STPG4: variants seen among roughly 807,000 people sequenced by gnomAD.
STPG4 encodes sperm-tail PG-rich repeat containing 4.
Under a neutral mutation model 31.5 loss-of-function variants are expected in STPG4, and 41 were observed. The ratio of observed to expected loss-of-function variants is 1.30; its 90% CI spans 1.01 to 1.69. The LOEUF (loss-of-function observed/expected upper bound fraction) is 1.69, where lower values mean the gene tolerates loss of function less well. Among genes scored for constraint, STPG4 ranks in the 40% most tolerant of loss-of-function variants. The pLI, the probability that STPG4 is intolerant of heterozygous loss-of-function variation, is 0.00. For missense variants in STPG4, 375 were observed against 293.4 expected (o/e 1.28, Z -2.03); for synonymous variants, 141 against 103.0 (o/e 1.37, Z -2.24).
At chr2:47,092,908 T>C (rs1685600398) in intron 5 of STPG4, among the ~76,000 whole-genome samples, 1 of 152,088 alleles carries the variant, frequency 6.6e-6, no homozygotes, top group Admixed American at 6.5e-5. Flanking sequence ...TTCTTCTGCA[T>C]CAGCCTCTCA....
chr2:47,087,103 T>C lies in STPG4; in HGVS notation c.652A>G (p.Thr218Ala), dbSNP rs1398665936. The C allele has an allele frequency of 1.9e-6, 3 of 1,551,818 alleles. No homozygotes were observed. The highest frequency in any genetic ancestry group is 2.0e-5 in the Admixed American group (1 of 51,012). ...GACTGCTTAGGGAATTGTCTTAAAGTTGTATATGCTCCTGGGCCTGGGGTT... is the reference window on the plus strand; with the variant it reads ...GACTGCTTAGGGAATTGTCTTAAAGCTGTATATGCTCCTGGGCCTGGGGTT... ...SKTPGPGAYT[T>A]LRQFPKQSPT... Residue 218 changes from threonine to alanine, a missense_variant, in exon 7 of 7, where the codon ACT becomes GCT. Coordinates refer to ENST00000445927, the MANE Select transcript of STPG4 (RefSeq NM_001163561.2).
intron 3 of STPG4, among the ~76,000 whole-genome samples, chr2:47,142,509 A>C (rs2103796305): frequency 6.6e-6 from 1 of 152,336 alleles, no homozygotes; most frequent in Middle Eastern, 3.4e-3. Flanking sequence ...CAAAAATGTT[A>C]GTTGGAAAAA....
chr2:47,089,456 T>C (rs1303656333), intron 6 of STPG4, among the ~76,000 whole-genome samples: 2 of 152,148 alleles, frequency 1.3e-5, no homozygotes, highest in African/African-American at 4.8e-5. Context: ...ACTAGTCCTC[T>C]CCTACCCACC....
intron 5 of STPG4, among the ~76,000 whole-genome samples, chr2:47,091,621 G>T (rs946298728): frequency 6.6e-6 from 1 of 152,172 alleles, no homozygotes; most frequent in Non-Finnish European, 1.5e-5. Flanking sequence ...CAGGAGTTAG[G>T]GGAAGTGGGT....
chr2:47,092,686 G>C (rs1685595160), intron 5 of STPG4, among the ~76,000 whole-genome samples: 1 of 151,814 alleles, frequency 6.6e-6, no homozygotes, highest in Non-Finnish European at 1.5e-5. Context: ...CCAGCAGTAA[G>C]GTCATAATAG....
intron 3 of STPG4, among the ~76,000 whole-genome samples, chr2:47,144,362 T>C (rs938232850): frequency 2.0e-5 from 3 of 152,192 alleles, no homozygotes; most frequent in Non-Finnish European, 2.9e-5. Context: ...TATGTCCATA[T>C]ACAAGAAAAC....
chr2:47,124,738 C>T (rs1234753598), intron 5 of STPG4, among the ~76,000 whole-genome samples: 1 of 152,140 alleles, frequency 6.6e-6, no homozygotes, highest in East Asian at 1.9e-4. Context: ...CAACAAACAC[C>T]AGATACCTCT....
intron 3 of STPG4, among the ~76,000 whole-genome samples, chr2:47,138,354 C>T (rs1036184314): frequency 1.3e-5 from 2 of 150,730 alleles, no homozygotes; most frequent in African/African-American, 4.9e-5. Flanking sequence ...GGTCTGAGAG[C>T]AGACATTGTA....
At chr2:47,109,416 G>A (rs1685992181) in intron 5 of STPG4, among the ~76,000 whole-genome samples, 1 of 152,066 alleles carries the variant, frequency 6.6e-6, no homozygotes, top group South Asian at 2.1e-4. Context: ...AATTAGCTGG[G>A]CATGGTGGCA....
At chr2:47,155,116 A>G (rs1218913639) in intron 1 of STPG4, 55 bp downstream of exon 1, 2 of 1,521,038 alleles carry the variant, frequency 1.3e-6, no homozygotes, top group Admixed American at 1.7e-5. Context: ...GGAAAAGGGT[A>G]GTGGGCCTGG....
At chr2:47,123,171 AT>A (rs574548539) in intron 5 of STPG4, among the ~76,000 whole-genome samples, 1 of 152,108 alleles carries the variant, frequency 6.6e-6, no homozygotes, top group East Asian at 1.9e-4. Flanking sequence ...ATAATTATTT[AT>A]TTTTTTGACA....
chr2:47,152,974 A>G lies in STPG4; in HGVS notation c.124T>C (p.Trp42Arg). The change falls in exon 2 of 7, where the codon TGG becomes CGG. Residue 42 changes from tryptophan to arginine, a missense_variant. Coordinates refer to ENST00000445927, the MANE Select transcript of STPG4 (RefSeq NM_001163561.2). The part of the protein sequence containing the change: ...KTSSFEREGW[W>R]RIALTDTPIP... ...GTACATACTGTTAATGCTATTCTCC[A>G]CCATCCTTCTCTTTCAAAAGAGGAA... The G allele has an allele frequency of 6.2e-7, 1 of 1,611,078 alleles. No individual in the cohort carries two copies. The highest frequency in any genetic ancestry group is 8.5e-7 in the Non-Finnish European group (1 of 1,178,136).
chr2:47,104,578 C>A (rs1357096088), intron 5 of STPG4, among the ~76,000 whole-genome samples: 1 of 151,988 alleles, frequency 6.6e-6, no homozygotes. Context: ...CTTTGAGGAT[C>A]CCGCAGACCA....
chr2:47,099,700 C>A (rs941803593), intron 5 of STPG4, among the ~76,000 whole-genome samples: 1 of 152,256 alleles, frequency 6.6e-6, no homozygotes, highest in Non-Finnish European at 1.5e-5. Context: ...AAGGCCAGAG[C>A]CGGCTCCCTC....
intron 6 of STPG4, among the ~76,000 whole-genome samples, chr2:47,087,860 T>C (rs1685492993): frequency 6.6e-6 from 1 of 152,142 alleles, no homozygotes; most frequent in Non-Finnish European, 1.5e-5. Flanking sequence ...GCGATTCTCC[T>C]GCCTCAGCCT....
intron 5 of STPG4, among the ~76,000 whole-genome samples, chr2:47,104,924 G>T (rs972443169): frequency 7.2e-5 from 11 of 152,050 alleles, no homozygotes; most frequent in South Asian, 4.2e-4. Context: ...GCTTATCCTT[G>T]CCCTAAGACG....
At chr2:47,118,629 AAAG>A (rs1440519419) in intron 5 of STPG4, among the ~76,000 whole-genome samples, 3 of 152,214 alleles carry the variant, frequency 2.0e-5, no homozygotes, top group Non-Finnish European at 2.9e-5. Flanking sequence ...AAGACAGCTC[AAAG>A]CCCAGCTTTT....
rs762392035 is a variant in STPG4, at chr2:47,151,238, A to G, written c.399+20T>C. 6.2e-7 allele frequency: 1 copy of G among 1,612,580 alleles called. No individual in the cohort carries two copies. Among genetic ancestry groups the G allele is most frequent in the Non-Finnish European group, 8.5e-7 (1 of 1,179,048 alleles). On this transcript the variant is annotated intron_variant, in intron 3 of 6. Coordinates refer to ENST00000445927, the MANE Select transcript of STPG4 (RefSeq NM_001163561.2). Reference sequence around the variant, plus strand: ...CTTAGTAGCTTTCCCACACAAAGCAATCTGCCAGTAGCGCTTTACCTGATC... The same window carrying G: ...CTTAGTAGCTTTCCCACACAAAGCAGTCTGCCAGTAGCGCTTTACCTGATC...
chr2:47,130,687 G>A (rs1387290796), intron 3 of STPG4, among the ~76,000 whole-genome samples: 1 of 151,984 alleles, frequency 6.6e-6, no homozygotes, highest in Admixed American at 6.6e-5. Context: ...GCTAATTTTT[G>A]TATTTTTAGT....
Sources: allele counts gnomAD v4.1 joint callset (sites outside exome capture counted in the v4.1 genomes callset), GRCh38; gene constraint gnomAD v4.1.1; transcripts MANE v1.5; gene names NCBI Gene and HGNC (gene_info 2026-07-23, HGNC 2026-07-21).